MARCHF11: variants seen among roughly 807,000 people sequenced by gnomAD.
The protein encoded by MARCHF11 is E3 ubiquitin-protein ligase MARCHF11.
In MARCHF11, 29 loss-of-function variants were observed where a neutral mutation model predicts 37.3. That is an observed-to-expected ratio of 0.78 (90% CI 0.58 to 1.06). The LOEUF is 1.06. Ranked by LOEUF, MARCHF11 falls within the 50% of genes least tolerant of loss-of-function variation. MARCHF11 has a pLI of 0.00. For missense variants in MARCHF11, 482 were observed against 533.4 expected (o/e 0.90, Z 0.95); for synonymous variants, 233 against 228.0 (o/e 1.02, Z -0.20).
chr5:16,152,761 T>C (rs549725901), intron 2 of MARCHF11, among the ~76,000 whole-genome samples: 14 of 152,132 alleles, frequency 9.2e-5, no homozygotes, highest in Admixed American at 9.2e-4. Context: ...GTAAGTGGCA[T>C]CATGTGTTAT....
intron 2 of MARCHF11, among the ~76,000 whole-genome samples, chr5:16,137,556 G>T (rs1419077221): frequency 1.3e-5 from 2 of 152,190 alleles, no homozygotes; most frequent in Admixed American, 1.3e-4. Context: ...TGGTAAAGTG[G>T]GATATTGCTA....
intron 2 of MARCHF11, among the ~76,000 whole-genome samples, chr5:16,100,363 G>GCCTCCAA (rs1736935333): frequency 6.6e-6 from 1 of 152,176 alleles, no homozygotes; most frequent in Non-Finnish European, 1.5e-5. Context: ...AGGTAAAACT[G>GCCTCCAA]GCCCAAGGCC....
chr5:16,103,435 C>G (rs987268375), intron 2 of MARCHF11, among the ~76,000 whole-genome samples: 2 of 152,140 alleles, frequency 1.3e-5, no homozygotes, highest in East Asian at 3.9e-4. Context: ...CTGGGATTAA[C>G]TATGGAGTTT....
At chr5:16,127,627 T>C (rs1450808362) in intron 2 of MARCHF11, among the ~76,000 whole-genome samples, 1 of 152,204 alleles carries the variant, frequency 6.6e-6, no homozygotes, top group Non-Finnish European at 1.5e-5. Context: ...AATTACAATC[T>C]GCCATTGTTC....
chr5:16,126,730 G>A (rs1397622566), intron 2 of MARCHF11, among the ~76,000 whole-genome samples: 1 of 152,084 alleles, frequency 6.6e-6, no homozygotes, highest in East Asian at 1.9e-4. Context: ...GGACACACAG[G>A]GTTAAGATTC....
intron 2 of MARCHF11, among the ~76,000 whole-genome samples, chr5:16,130,537 G>C (rs1226959410): frequency 6.6e-6 from 1 of 152,102 alleles, no homozygotes; most frequent in Admixed American, 6.6e-5. Flanking sequence ...AAATAGAGAG[G>C]ATAAACTGTT....
chr5:16,070,202 T>A (rs1027738715), intron 3 of MARCHF11, among the ~76,000 whole-genome samples: 2 of 152,222 alleles, frequency 1.3e-5, no homozygotes, highest in Admixed American at 6.5e-5. Context: ...TTGGTGGTTC[T>A]ATTATTAGCT....
intron 2 of MARCHF11, among the ~76,000 whole-genome samples, chr5:16,136,552 A>G (rs1452980324): frequency 6.6e-6 from 1 of 152,200 alleles, no homozygotes; most frequent in East Asian, 1.9e-4. Context: ...CAAAAAATGA[A>G]AAGTAATGCA....
chr5:16,133,074 AT>A (rs11361544), intron 2 of MARCHF11, among the ~76,000 whole-genome samples: 5,704 of 151,526 alleles, frequency 0.038, 390 homozygotes, highest in African/African-American at 0.13. Context: ...TCCTAAAATG[AT>A]TTTTTTTTAA....
intron 2 of MARCHF11, among the ~76,000 whole-genome samples, chr5:16,136,480 G>A (rs902571535): frequency 6.6e-6 from 1 of 152,182 alleles, no homozygotes; most frequent in African/African-American, 2.4e-5. Flanking sequence ...GGCAAAGAAA[G>A]TCAGGAGACA....
intron 2 of MARCHF11, among the ~76,000 whole-genome samples, chr5:16,133,075 T>C (rs912225844): frequency 2.1e-5 from 3 of 140,908 alleles, no homozygotes; most frequent in Non-Finnish European, 4.4e-5. Context: ...CCTAAAATGA[T>C]TTTTTTTTAA....
At chr5:16,094,991 T>C (rs1736842527) in intron 2 of MARCHF11, among the ~76,000 whole-genome samples, 1 of 152,164 alleles carries the variant, frequency 6.6e-6, no homozygotes, top group Non-Finnish European at 1.5e-5. Flanking sequence ...TTAAACAACG[T>C]GCCCAAGGTT....
chr5:16,115,461 A>G (rs2126573299), intron 2 of MARCHF11, among the ~76,000 whole-genome samples: 1 of 152,318 alleles, frequency 6.6e-6, no homozygotes, highest in East Asian at 1.9e-4. Flanking sequence ...GGTGGAAGAA[A>G]GGATAGAAGC....
At chr5:16,085,318 C>T (rs896924658) in intron 3 of MARCHF11, among the ~76,000 whole-genome samples, 1 of 151,958 alleles carries the variant, frequency 6.6e-6, no homozygotes, top group Admixed American at 6.6e-5. Flanking sequence ...GATTAGAGCT[C>T]GTCTATGTCC....
intron 2 of MARCHF11, among the ~76,000 whole-genome samples, chr5:16,170,570 C>G (rs1738246842): frequency 1.3e-5 from 2 of 152,012 alleles, no homozygotes; most frequent in Admixed American, 6.6e-5. Context: ...ATTTGTTTTC[C>G]CTAAATCATA....
chr5:16,135,035 C>A (rs2126587251), intron 2 of MARCHF11, among the ~76,000 whole-genome samples: 1 of 151,116 alleles, frequency 6.6e-6, no homozygotes. Flanking sequence ...CACATGCAAA[C>A]ACGCACACAT....
intron 3 of MARCHF11, among the ~76,000 whole-genome samples, chr5:16,085,939 CAAAAAAAAAAAAAAAAAAAAAA>C (rs56782867): frequency 1.2e-4 from 5 of 40,952 alleles, no homozygotes; most frequent in African/African-American, 2.5e-4. Flanking sequence ...GACTCCATCT[CAAAAAAAAAAAAAAAAAAAAAA>C]AAAAAAAAAA....
chr5:16,128,476 G>A (rs564004490), intron 2 of MARCHF11, among the ~76,000 whole-genome samples: 1 of 152,164 alleles, frequency 6.6e-6, no homozygotes, highest in Non-Finnish European at 1.5e-5. Flanking sequence ...CAAAGCCACT[G>A]AGATAACCCC....
At chr5:16,153,534 G>T (rs952419133) in intron 2 of MARCHF11, among the ~76,000 whole-genome samples, 4 of 152,070 alleles carry the variant, frequency 2.6e-5, no homozygotes, top group South Asian at 2.1e-4. Flanking sequence ...ATGTAGAAAA[G>T]GTGGAATTCT....
Sources: gnomAD v4.1 joint callset for allele counts (sites outside exome capture counted in the v4.1 genomes callset) on GRCh38, gnomAD v4.1.1 for gene constraint, MANE v1.5 for transcripts, NCBI Gene and HGNC (gene_info 2026-07-23, HGNC 2026-07-21) for gene names.